ZNF536: variants seen among roughly 807,000 people sequenced by gnomAD.
ZNF536 encodes zinc finger protein 536.
ZNF536 carries 13 observed loss-of-function variants against 84.5 expected under a neutral mutation model. The observed-to-expected ratio is 0.15, with a 90% CI of 0.10 to 0.24. The LOEUF is 0.24. Ranked by LOEUF, ZNF536 falls within the 10% of genes least tolerant of loss-of-function variation. ZNF536 has a pLI of 1.00. For missense variants in ZNF536, 1,536 were observed against 1,747.5 expected, an observed-to-expected ratio of 0.88 and a Z score of 2.16; for synonymous variants, 811 against 742.5, an observed-to-expected ratio of 1.09 and a Z score of -1.50.
At chr19:30,687,156 A>C (rs888503006) in intron 1 of ZNF536, among the ~76,000 whole-genome samples, 7 of 152,220 alleles carry the variant, frequency 4.6e-5, no homozygotes, top group African/African-American at 1.7e-4. Flanking sequence ...GCGGGGCTGC[A>C]AATGCATGCC....
intron 2 of ZNF536, among the ~76,000 whole-genome samples, chr19:30,285,599 G>T (rs2145707012): frequency 6.6e-6 from 1 of 152,302 alleles, no homozygotes; most frequent in Non-Finnish European, 1.5e-5. Context: ...AGCCGAGCCA[G>T]TGGAAGTGGC....
In ZNF536 at chr19:30,632,107, C is replaced by T. The variant is rs547512461; in HGVS notation, c.170-78650C>T. Among the ~76,000 whole-genome samples, 28 of 152,132 alleles carry T rather than the reference C, an allele frequency of 1.8e-4. 1 individual carries two copies. The highest frequency in any genetic ancestry group is 5.2e-4 in the Admixed American group (8 of 15,278). On this transcript the variant is annotated intron_variant, in intron 1 of 1. Coordinates refer to the ZNF536 transcript ENST00000592773. ...GATCTCACAGAGGACAGAATGGGAC[C>T]GCATTTGAAACTATTAACTGTGAGT...
At chr19:30,261,511 G>C (rs1204263993) in intron 1 of ZNF536, among the ~76,000 whole-genome samples, 1 of 151,244 alleles carries the variant, frequency 6.6e-6, no homozygotes, top group African/African-American at 2.4e-5. Context: ...ACCAATCTGG[G>C]CAATGTAACA....
chr19:30,470,024 T>TA (rs1161810500), intron 2 of ZNF536, among the ~76,000 whole-genome samples: 1 of 152,184 alleles, frequency 6.6e-6, no homozygotes, highest in African/African-American at 2.4e-5. Flanking sequence ...GTGTACGAGT[T>TA]AGAGTCAATT....
chr19:30,693,568 A>G (rs1044627262), intron 1 of ZNF536, among the ~76,000 whole-genome samples: 3 of 148,216 alleles, frequency 2.0e-5, no homozygotes, highest in Non-Finnish European at 4.5e-5. Flanking sequence ...AAGGAGGCTC[A>G]TTTCCTTTGT....
At chr19:30,426,913 C>T (rs2051239518) in intron 1 of ZNF536, among the ~76,000 whole-genome samples, 1 of 152,124 alleles carries the variant, frequency 6.6e-6, no homozygotes. Flanking sequence ...TGTCTGTGTG[C>T]ATTATTTCTT....
At chr19:30,295,429 G>A (rs190896199) in intron 2 of ZNF536, among the ~76,000 whole-genome samples, 4 of 152,270 alleles carry the variant, frequency 2.6e-5, no homozygotes, top group African/African-American at 2.4e-5. Flanking sequence ...TCAGAATTGC[G>A]TGGAGGGCTT....
At chr19:30,494,100 G>A (rs1283849142) in intron 2 of ZNF536, among the ~76,000 whole-genome samples, 1 of 152,104 alleles carries the variant, frequency 6.6e-6, no homozygotes, top group Admixed American at 6.5e-5. Context: ...TTAAAAAAAG[G>A]TTCAGAACAT....
At chr19:30,248,839 A>G (rs958226674) in intron 1 of ZNF536, among the ~76,000 whole-genome samples, 8 of 151,450 alleles carry the variant, frequency 5.3e-5, no homozygotes, top group African/African-American at 1.7e-4. Flanking sequence ...GAGTATGTCT[A>G]CTCCTTCCTT....
At chr19:30,290,772 T>C (rs2045810353) in intron 2 of ZNF536, among the ~76,000 whole-genome samples, 1 of 152,216 alleles carries the variant, frequency 6.6e-6, no homozygotes. Flanking sequence ...GCTGCACCCA[T>C]CAACACATCA....
intron 1 of ZNF536, among the ~76,000 whole-genome samples, chr19:30,249,486 G>A (rs1599881725): frequency 6.6e-6 from 1 of 152,016 alleles, no homozygotes; most frequent in Non-Finnish European, 1.5e-5. Flanking sequence ...GTGAGATGGG[G>A]TCATCAGTTT....
intron 1 of ZNF536, among the ~76,000 whole-genome samples, chr19:30,698,291 CAA>C (rs765488693): frequency 2.7e-4 from 33 of 121,450 alleles, no homozygotes; most frequent in Middle Eastern, 4.7e-3. Context: ...GACTCAGTCT[CAA>C]AAAAAAAAAA....
chr19:30,642,915 C>T (rs906769891), intron 1 of ZNF536, among the ~76,000 whole-genome samples: 12 of 152,138 alleles, frequency 7.9e-5, no homozygotes, highest in Admixed American at 3.3e-4. Context: ...ACTGAGGTGT[C>T]TGTCTAACAA....
chr19:30,476,483 A>G (rs925798431), intron 2 of ZNF536, among the ~76,000 whole-genome samples: 2 of 152,238 alleles, frequency 1.3e-5, no homozygotes, highest in African/African-American at 4.8e-5. Flanking sequence ...CACACTGCAT[A>G]TAATTCGATG....
chr19:30,681,141 C>G (rs1393748781), intron 1 of ZNF536, among the ~76,000 whole-genome samples: 5 of 152,160 alleles, frequency 3.3e-5, no homozygotes, highest in Non-Finnish European at 1.5e-5. Context: ...CACACTTGAT[C>G]TGGGATGAAT....
chr19:30,455,393 G>T (rs1383112843), intron 2 of ZNF536, among the ~76,000 whole-genome samples: 1 of 152,012 alleles, frequency 6.6e-6, no homozygotes, highest in East Asian at 1.9e-4. Flanking sequence ...GGGTAATTGG[G>T]ACCTTCATCA....
chr19:30,576,968 T>C (rs965719349), intron 1 of ZNF536, among the ~76,000 whole-genome samples: 1 of 152,206 alleles, frequency 6.6e-6, no homozygotes, highest in Non-Finnish European at 1.5e-5. Flanking sequence ...CTGGTTTTAT[T>C]TGTTTGGGAT....
chr19:30,525,537 A>G (rs2044539277), intron 2 of ZNF536, among the ~76,000 whole-genome samples: 1 of 152,198 alleles, frequency 6.6e-6, no homozygotes, highest in Non-Finnish European at 1.5e-5. Flanking sequence ...CCTGGAGCTG[A>G]CATTCTAGGA....
At chr19:30,426,722 A>C (rs1330178351) in intron 1 of ZNF536, among the ~76,000 whole-genome samples, 1 of 152,182 alleles carries the variant, frequency 6.6e-6, no homozygotes, top group Non-Finnish European at 1.5e-5. Context: ...GTTGGTTCCT[A>C]TACACAGGAC....
Sources: gnomAD v4.1 joint callset for allele counts (sites outside exome capture counted in the v4.1 genomes callset) on GRCh38, gnomAD v4.1.1 for gene constraint, MANE v1.5 for transcripts, NCBI Gene and HGNC (gene_info 2026-07-23, HGNC 2026-07-21) for gene names.